The following PLD5 variants were observed in gnomAD, a reference collection of about 807,000 sequenced individuals.
PLD5 encodes phospholipase D family member 5, also known as inactive phospholipase D5.
Under a neutral mutation model 61.1 loss-of-function variants are expected in PLD5, and 36 were observed. The ratio of observed to expected loss-of-function variants is 0.59; its 90% CI spans 0.45 to 0.78. The LOEUF (loss-of-function observed/expected upper bound fraction) is 0.78. Among genes scored for constraint, PLD5 ranks in the 30% least tolerant of loss-of-function variants. The probability of loss-of-function intolerance (pLI) is 0.00; values close to 1 mark genes in which losing one functional copy is unlikely to be tolerated. For synonymous variants in PLD5, 243 were observed against 242.8 expected, an observed-to-expected ratio of 1.00 and a Z score of -0.01; for missense variants, 515 against 644.4, an observed-to-expected ratio of 0.80 and a Z score of 2.17.
intron 5 of PLD5, among the ~76,000 whole-genome samples, chr1:242,182,640 C>T (rs1667591249): frequency 6.6e-6 from 1 of 152,076 alleles, no homozygotes; most frequent in Admixed American, 6.5e-5. Flanking sequence ...ATCAGGAGTT[C>T]AAGATCAGCC....
intron 1 of PLD5, among the ~76,000 whole-genome samples, chr1:242,425,469 C>T (rs1043001728): frequency 2.6e-5 from 4 of 152,038 alleles, no homozygotes; most frequent in Non-Finnish European, 5.9e-5. Flanking sequence ...GCTTGCAGGA[C>T]CGGAAGTTGC....
At chr1:242,449,938 C>T (rs1007564351) in intron 1 of PLD5, among the ~76,000 whole-genome samples, 2 of 152,172 alleles carry the variant, frequency 1.3e-5, no homozygotes, top group Non-Finnish European at 1.5e-5. Context: ...AATCCTGTGG[C>T]GTAGCGCTGT....
intron 1 of PLD5, among the ~76,000 whole-genome samples, chr1:242,351,807 T>A (rs1358044849): frequency 1.3e-5 from 2 of 152,206 alleles, no homozygotes; most frequent in Non-Finnish European, 2.9e-5. Context: ...ATTTTATCCT[T>A]TTTTACTTTC....
intron 5 of PLD5, among the ~76,000 whole-genome samples, chr1:242,163,151 C>CTTTTT (rs1222335295): frequency 2.7e-5 from 4 of 146,668 alleles, no homozygotes; most frequent in East Asian, 2.0e-4. Flanking sequence ...TCTTTTCTTT[C>CTTTTT]TTTTCTTGAG....
At chr1:242,346,023 C>G (rs868671479) in intron 2 of PLD5, among the ~76,000 whole-genome samples, 4 of 72,824 alleles carry the variant, frequency 5.5e-5, no homozygotes, top group African/African-American at 1.8e-4. Context: ...TCCCCCCCCC[C>G]CATATATACA....
At chr1:242,290,449 G>A (rs1222521972) in intron 2 of PLD5, among the ~76,000 whole-genome samples, 1 of 152,052 alleles carries the variant, frequency 6.6e-6, no homozygotes, top group Non-Finnish European at 1.5e-5. Context: ...TTGTGATGGT[G>A]GAGAAAGCTG....
intron 2 of PLD5, among the ~76,000 whole-genome samples, chr1:242,300,808 C>T (rs532206811): frequency 1.8e-4 from 27 of 152,102 alleles, no homozygotes; most frequent in African/African-American, 5.8e-4. Context: ...CATGGAGCCT[C>T]GGCGAAGGGC....
At chr1:242,250,702 G>A (rs1672651097) in intron 4 of PLD5, among the ~76,000 whole-genome samples, 1 of 152,116 alleles carries the variant, frequency 6.6e-6, no homozygotes, top group Non-Finnish European at 1.5e-5. Flanking sequence ...CATTCAGCAA[G>A]CCGCCAAAAA....
chr1:242,487,459 C>A (rs1668001038), intron 1 of PLD5, among the ~76,000 whole-genome samples: 1 of 152,224 alleles, frequency 6.6e-6, no homozygotes, highest in East Asian at 1.9e-4. Context: ...AATACAGGAG[C>A]AAATCTAGGT....
At chr1:242,341,967 G>A (rs1659859579) in intron 2 of PLD5, among the ~76,000 whole-genome samples, 1 of 151,704 alleles carries the variant, frequency 6.6e-6, no homozygotes, top group Non-Finnish European at 1.5e-5. Flanking sequence ...AGGCAAGTGT[G>A]AGGAGGTCTT....
chr1:242,357,309 T>A (rs1019013076), intron 1 of PLD5, among the ~76,000 whole-genome samples: 20 of 150,588 alleles, frequency 1.3e-4, no homozygotes, highest in African/African-American at 4.9e-4. Context: ...GTATTGAGAC[T>A]TCTTTGTAGG....
At chr1:242,237,488 TTAG>T (rs973036443) in intron 4 of PLD5, among the ~76,000 whole-genome samples, 1 of 152,170 alleles carries the variant, frequency 6.6e-6, no homozygotes, top group Non-Finnish European at 1.5e-5. Flanking sequence ...TAGAGCTTTC[TTAG>T]TAGGGGTGCT....
intron 1 of PLD5, among the ~76,000 whole-genome samples, chr1:242,449,856 G>T (rs557150961): frequency 1.6e-4 from 25 of 152,192 alleles, no homozygotes; most frequent in Non-Finnish European, 2.5e-4. Context: ...CGAGCGAAGA[G>T]GGGCAATGCT....
At chr1:242,477,381 C>T (rs1202425492) in intron 1 of PLD5, among the ~76,000 whole-genome samples, 1 of 152,146 alleles carries the variant, frequency 6.6e-6, no homozygotes, top group Non-Finnish European at 1.5e-5. Flanking sequence ...ACAGAAACAG[C>T]AGGATAGGTG....
chr1:242,400,930 A>G (rs1024439545), intron 1 of PLD5, among the ~76,000 whole-genome samples: 1 of 152,144 alleles, frequency 6.6e-6, no homozygotes, highest in Non-Finnish European at 1.5e-5. Flanking sequence ...TTTAAGTATC[A>G]CCCACATGCC....
At chr1:242,244,275 G>A (rs773365881) in intron 4 of PLD5, among the ~76,000 whole-genome samples, 1 of 152,138 alleles carries the variant, frequency 6.6e-6, no homozygotes, top group African/African-American at 2.4e-5. Context: ...GAGCCTCACC[G>A]GCAGGCACAT....
intron 1 of PLD5, among the ~76,000 whole-genome samples, chr1:242,478,885 G>A (rs1667680835): frequency 2.6e-5 from 4 of 152,266 alleles, no homozygotes; most frequent in Admixed American, 2.0e-4. Context: ...CAACCTAATA[G>A]TCTGATAATA....
intron 2 of PLD5, among the ~76,000 whole-genome samples, chr1:242,341,675 G>A (rs139951218): frequency 2.8e-5 from 4 of 140,522 alleles, no homozygotes; most frequent in Non-Finnish European, 3.1e-5. Flanking sequence ...TTATACATTG[G>A]TTACCCAGCC....
At chr1:242,507,437 C>T (rs1210102617) in intron 1 of PLD5, among the ~76,000 whole-genome samples, 1 of 152,160 alleles carries the variant, frequency 6.6e-6, no homozygotes, top group Non-Finnish European at 1.5e-5. Context: ...GAAGGTGCTG[C>T]ACTGGAAAGG....
Sources: gnomAD v4.1 joint callset for allele counts (sites outside exome capture counted in the v4.1 genomes callset) on GRCh38, gnomAD v4.1.1 for gene constraint, MANE v1.5 for transcripts, NCBI Gene and HGNC (gene_info 2026-07-23, HGNC 2026-07-21) for gene names.